Variants in HSD17B2 observed in about 807,000 individuals in gnomAD.
The protein encoded by HSD17B2 is hydroxysteroid 17-beta dehydrogenase 2.
In HSD17B2, 32 loss-of-function variants were observed where a neutral mutation model predicts 26.9. The observed-to-expected ratio is 1.19, with a 90% CI of 0.90 to 1.60. The LOEUF (loss-of-function observed/expected upper bound fraction) is 1.60. Ranked by LOEUF, HSD17B2 falls within the 40% of genes most tolerant of loss-of-function variation. The pLI, the probability that HSD17B2 is intolerant of heterozygous loss-of-function variation, is 0.00. For missense variants in HSD17B2, 613 were observed against 468.6 expected, an observed-to-expected ratio of 1.31 and a Z score of -2.85; for synonymous variants, 246 against 186.7, an observed-to-expected ratio of 1.32 and a Z score of -2.59.
At chr16:82,066,516 A>G (rs1415516776) in intron 1 of HSD17B2, among the ~76,000 whole-genome samples, 2 of 152,240 alleles carry the variant, frequency 1.3e-5, no homozygotes, top group Non-Finnish European at 2.9e-5. Flanking sequence ...GCCTTTAAAA[A>G]AAGAAATTAC....
chr16:82,062,762 T>G (rs1258542667), intron 1 of HSD17B2, among the ~76,000 whole-genome samples: 1 of 152,244 alleles, frequency 6.6e-6, no homozygotes, highest in African/African-American at 2.4e-5. Flanking sequence ...AACACCACTG[T>G]TGGGTAACTC....
chr16:82,083,237 A>G (rs1904429121), intron 3 of HSD17B2, among the ~76,000 whole-genome samples: 7 of 152,270 alleles, frequency 4.6e-5, no homozygotes, highest in Admixed American at 3.9e-4. Context: ...AAGAAATGCA[A>G]TCTAGAGTCA....
intron 1 of HSD17B2, among the ~76,000 whole-genome samples, chr16:82,041,762 T>C (rs1913771954): frequency 6.6e-6 from 1 of 152,230 alleles, no homozygotes; most frequent in Non-Finnish European, 1.5e-5. Context: ...ACTCTGTCTT[T>C]ACTCCACCTT....
chr16:82,074,810 A>G (rs994413041), intron 3 of HSD17B2, among the ~76,000 whole-genome samples: 11 of 152,226 alleles, frequency 7.2e-5, no homozygotes, highest in African/African-American at 1.2e-4. Context: ...GAAAATCAAT[A>G]AAGAAACATC....
chr16:82,042,895 A>G (rs1435550926), intron 1 of HSD17B2, among the ~76,000 whole-genome samples: 1 of 152,250 alleles, frequency 6.6e-6, no homozygotes, highest in African/African-American at 2.4e-5. Context: ...TGCTGGCATT[A>G]CAGGTGTAAG....
chr16:82,081,381 T>C (rs1904376375), intron 3 of HSD17B2, among the ~76,000 whole-genome samples: 1 of 152,104 alleles, frequency 6.6e-6, no homozygotes, highest in African/African-American at 2.4e-5. Flanking sequence ...TCTCTCTCCC[T>C]GGGCCTTTCA....
chr16:82,088,259 C>A (rs1904585046), intron 3 of HSD17B2, among the ~76,000 whole-genome samples: 1 of 152,100 alleles, frequency 6.6e-6, no homozygotes, highest in African/African-American at 2.4e-5. Flanking sequence ...CATATGGAGC[C>A]TTTTGGGCTA....
chr16:82,054,619 C>G (rs1597124658), intron 1 of HSD17B2, among the ~76,000 whole-genome samples: 1 of 152,100 alleles, frequency 6.6e-6, no homozygotes, highest in African/African-American at 2.4e-5. Flanking sequence ...TGCTGGGATT[C>G]CAGGCGTGAG....
intron 1 of HSD17B2, among the ~76,000 whole-genome samples, chr16:82,054,775 T>A (rs942201841): frequency 2.0e-5 from 3 of 152,232 alleles, no homozygotes; most frequent in African/African-American, 7.2e-5. Context: ...TCCCCACTAG[T>A]GTCTTTAGCA....
chr16:82,041,298 C>G (rs932559979), intron 1 of HSD17B2, among the ~76,000 whole-genome samples: 1 of 152,198 alleles, frequency 6.6e-6, no homozygotes, highest in African/African-American at 2.4e-5. Flanking sequence ...AACGTCCTCT[C>G]CTTTTCATGG....
intron 4 of HSD17B2, chr16:82,093,483 G>A (rs1221875758): frequency 6.6e-5 from 10 of 152,196 alleles, no homozygotes; most frequent in East Asian, 1.9e-4. Flanking sequence ...AATATGCCAT[G>A]ATTTTCTACT....
At chr16:82,091,842 C>A (rs1904703919) in intron 4 of HSD17B2, 1 of 152,204 alleles carries the variant, frequency 6.6e-6, no homozygotes, top group South Asian at 2.1e-4. Flanking sequence ...CCCCTGCTTC[C>A]TTTCACAAAG....
In HSD17B2 at chr16:82,098,278, GC is replaced by G. The variant is rs754056100; in HGVS notation, c.1008del (p.Tyr337IlefsTer41). On this transcript the variant is annotated frameshift_variant, in exon 5 of 5. Transcript: ENST00000199936. LOFTEE classifies it low-confidence loss of function (END_TRUNC). ...TGCTATCTTGGCGAAGAGCCCTTTT[GC>G]CTATTACACGCCAGGGAAAGGCGCT... ...QHAILAKSPF[A>X]YYTPGKGAYL... 57 of 1,614,074 alleles carry G rather than the reference GC, an allele frequency of 3.5e-5. No individual in the cohort carries two copies. Among genetic ancestry groups the G allele is most frequent in the Non-Finnish European group, 4.1e-5 (48 of 1,180,040 alleles).
chr16:82,054,930 A>T (rs190322037), intron 1 of HSD17B2, among the ~76,000 whole-genome samples: 2 of 152,344 alleles, frequency 1.3e-5, no homozygotes, highest in East Asian at 3.9e-4. Flanking sequence ...CATGGCTGAA[A>T]GCAGAGTTTC....
At chr16:82,091,191 C>T (rs777478241) in intron 4 of HSD17B2, 152 bp downstream of exon 4, 1 of 791,750 alleles carries the variant, frequency 1.3e-6, no homozygotes, top group South Asian at 1.4e-5. Context: ...AGGTTTGATT[C>T]AGTAACTGCT....
intron 1 of HSD17B2, among the ~76,000 whole-genome samples, chr16:82,048,252 G>C (rs1913997770): frequency 6.6e-6 from 1 of 152,202 alleles, no homozygotes; most frequent in African/African-American, 2.4e-5. Context: ...CTATAGGATA[G>C]GAGGTGGAAG....
intron 1 of HSD17B2, among the ~76,000 whole-genome samples, chr16:82,057,832 T>C (rs1292412764): frequency 6.6e-6 from 1 of 152,150 alleles, no homozygotes. Context: ...AACTATCAAT[T>C]ATGTCAACTA....
In HSD17B2 at chr16:82,083,801, A is replaced by C. The variant is rs1904445635; in HGVS notation, c.665-7101A>C. Among the ~76,000 whole-genome samples, 3 of 152,298 alleles carry C rather than the reference A, an allele frequency of 2.0e-5. No individual in the cohort carries two copies. The South Asian group carries it at 6.2e-4, about 32-fold the overall frequency. ...TTCCAGATTTGACCATGTCTACTAC[A>C]GGAGACTTTTCCCCATTGTAATAAC... On this transcript the variant is annotated intron_variant, in intron 3 of 4. Coordinates refer to ENST00000199936, the MANE Select transcript of HSD17B2 (RefSeq NM_002153.3).
intron 4 of HSD17B2, chr16:82,097,087 A>G (rs1407284030): frequency 6.6e-6 from 1 of 150,688 alleles, no homozygotes; most frequent in Admixed American, 6.6e-5. Flanking sequence ...GCAGTGGTGC[A>G]GTCATATAAT....
Sources: allele counts gnomAD v4.1 joint callset (sites outside exome capture counted in the v4.1 genomes callset), GRCh38; gene constraint gnomAD v4.1.1; transcripts MANE v1.5; gene names NCBI Gene and HGNC (gene_info 2026-07-23, HGNC 2026-07-21).